Variants in PCDH11X observed in about 807,000 individuals in gnomAD.
PCDH11X encodes protocadherin 11 X-linked.
In PCDH11X, 18 loss-of-function variants were observed where a neutral mutation model predicts 53.3. The observed-to-expected ratio is 0.34, with a 90% CI of 0.23 to 0.50. PCDH11X has a LOEUF of 0.50. Among genes scored for constraint, PCDH11X ranks in the 20% least tolerant of loss-of-function variants. The pLI, the probability that PCDH11X is intolerant of heterozygous loss-of-function variation, is 0.98. For missense variants in PCDH11X, 570 were observed against 1,032.4 expected (o/e 0.55, Z 6.14); for synonymous variants, 279 against 393.3 (o/e 0.71, Z 3.44).
intron 8 of PCDH11X, among the ~76,000 whole-genome samples, chrX:92,302,925 A>G (rs5984170): frequency 0.18 from 19,887 of 109,744 alleles, 2,370 homozygotes; most frequent in East Asian, 0.48. Context: ...CTAGCAGAAA[A>G]GTAAAAATTT....
intron 6 of PCDH11X, among the ~76,000 whole-genome samples, chrX:91,977,913 C>G (rs777906318): frequency 9.0e-6 from 1 of 111,529 alleles, no homozygotes; most frequent in African/African-American, 3.3e-5. Context: ...CAGTTGTAAT[C>G]CAGGCTCCTA....
At chrX:92,227,049 C>A (rs919754685) in intron 7 of PCDH11X, among the ~76,000 whole-genome samples, 1 of 111,473 alleles carries the variant, frequency 9.0e-6, no homozygotes, top group Non-Finnish European at 1.9e-5. Flanking sequence ...ATAAAGTATA[C>A]ATTCTGAGCA....
chrX:92,213,636 G>C (rs1176623940), intron 7 of PCDH11X, among the ~76,000 whole-genome samples: 1 of 111,437 alleles, frequency 9.0e-6, no homozygotes, highest in Non-Finnish European at 1.9e-5. Context: ...CTTAGCAACA[G>C]AGCAGATGGG....
intron 6 of PCDH11X, among the ~76,000 whole-genome samples, chrX:92,096,780 A>G (rs1377553962): frequency 9.0e-6 from 1 of 111,072 alleles, no homozygotes; most frequent in African/African-American, 3.3e-5. Context: ...CCCATGATTC[A>G]AATATCTCCC....
chrX:92,388,778 A>G (rs1023231174), intron 9 of PCDH11X, among the ~76,000 whole-genome samples: 5 of 106,376 alleles, frequency 4.7e-5, no homozygotes, highest in Admixed American at 1.0e-4. Flanking sequence ...ATGAAAAAAA[A>G]TGGGCCAAAT....
chrX:92,401,765 T>C (rs1321900780), intron 9 of PCDH11X, among the ~76,000 whole-genome samples: 2 of 112,510 alleles, frequency 1.8e-5, no homozygotes, highest in Non-Finnish European at 3.8e-5. Context: ...ATGAAGATAG[T>C]GTTAGGCAAA....
At position 91,813,991 on chromosome X, in the gene PCDH11X, CAA is replaced by C. The variant is rs776401611; in HGVS notation, c.-45+2698_-45+2699del. 3.4e-4 allele frequency among the ~76,000 whole-genome samples: 36 copies of C among 104,576 alleles called. No homozygotes were observed. The East Asian group carries it at 0.011, about 32-fold the overall frequency. The allele number at this position is 104,576 out of a possible 115,157, so 90.8% of individuals were successfully genotyped here. A position where few individuals can be genotyped will look rare whatever the true frequency, so the allele number is the denominator to read the frequency against. ...TTAAAGTCATCAAATTTAGAGATGT[CAA>C]ATTTTTATTATTTTCAGGACAAAAT... On this transcript the variant is annotated intron_variant, in intron 4 of 10. Coordinates refer to ENST00000682573, the MANE Select transcript of PCDH11X (RefSeq NM_032968.5).
chrX:92,132,285 CAAAAAAAAAAAAAAAAAAAAAAA>C (rs778221916), intron 6 of PCDH11X, among the ~76,000 whole-genome samples: 289 of 8,840 alleles, frequency 0.033, 6 homozygotes, highest in African/African-American at 0.1. Flanking sequence ...ACCTCTGTCT[CAAAAAAAAAAAAAAAAAAAAAAA>C]AAAAAAAAAA....
intron 10 of PCDH11X, among the ~76,000 whole-genome samples, chrX:92,571,680 A>C (rs1475867456): frequency 9.2e-6 from 1 of 108,632 alleles, no homozygotes; most frequent in Non-Finnish European, 1.9e-5. Context: ...GTGGTGCTGT[A>C]TATGATCCAG....
At chrX:92,258,132 C>T (rs2067635463) in intron 7 of PCDH11X, among the ~76,000 whole-genome samples, 1 of 111,107 alleles carries the variant, frequency 9.0e-6, no homozygotes, top group African/African-American at 3.3e-5. Flanking sequence ...GAAGCAGCAT[C>T]CTGAGCCCCA....
intron 5 of PCDH11X, among the ~76,000 whole-genome samples, chrX:91,848,002 A>G (rs1208695274): frequency 1.8e-5 from 2 of 111,399 alleles, no homozygotes; most frequent in Non-Finnish European, 3.8e-5. Context: ...TAAACAAGTA[A>G]AGTTTTCAGA....
intron 6 of PCDH11X, among the ~76,000 whole-genome samples, chrX:92,176,279 G>T (rs2065909375): frequency 1.8e-5 from 2 of 111,675 alleles, no homozygotes; most frequent in South Asian, 7.5e-4. Flanking sequence ...TTTCACGAGG[G>T]CTTTAAAAGC....
At chrX:92,428,483 C>A (rs6619027) in intron 9 of PCDH11X, among the ~76,000 whole-genome samples, 44,538 of 109,473 alleles carry the variant, frequency 0.41, 6,804 homozygotes, top group East Asian at 0.79. Context: ...CTTTGATATT[C>A]CAGGCAAAAC....
chrX:91,929,366 G>C (rs991135279), intron 6 of PCDH11X, among the ~76,000 whole-genome samples: 2 of 110,410 alleles, frequency 1.8e-5, no homozygotes, highest in Non-Finnish European at 3.8e-5. Context: ...CTATGTGCCA[G>C]GTACTAGTCT....
chrX:92,142,370 G>GCACACACACACACACA (rs201418320), intron 6 of PCDH11X, among the ~76,000 whole-genome samples: 1 of 95,571 alleles, frequency 1.0e-5, no homozygotes, highest in Non-Finnish European at 2.1e-5. Context: ...GTGCGCGCGC[G>GCACACACACACACACA]CACACACACA....
chrX:92,419,235 C>A (rs1603306245), intron 9 of PCDH11X, among the ~76,000 whole-genome samples: 1 of 102,067 alleles, frequency 9.8e-6, no homozygotes, highest in African/African-American at 3.6e-5. Context: ...CTTTTTCCAT[C>A]TTTTAGCTTT....
rs142605302 is a variant in PCDH11X, at chrX:92,538,209, G to C, written c.3367+69887G>C. 1.9e-3 allele frequency among the ~76,000 whole-genome samples: 203 copies of C among 107,491 alleles called. 1 individual carries two copies. Among genetic ancestry groups the C allele is most frequent in the African/African-American group, 6.7e-3 (200 of 29,678 alleles). 93.3% of individuals were successfully genotyped at this position (107,491 alleles called of 115,157 possible). On this transcript the variant is annotated intron_variant, in intron 10 of 10. Transcript: ENST00000682573. Reference sequence around the variant, plus strand: ...TTCTTGCCATTTTCTGGTTGCCATTGGCATAAAACAGCTTTTAGCCATCCC... The same window carrying C: ...TTCTTGCCATTTTCTGGTTGCCATTCGCATAAAACAGCTTTTAGCCATCCC...
At chrX:92,142,201 G>C (rs2065191759) in intron 6 of PCDH11X, among the ~76,000 whole-genome samples, 1 of 105,922 alleles carries the variant, frequency 9.4e-6, no homozygotes, top group Non-Finnish European at 1.9e-5. Flanking sequence ...TTGTTGCCCA[G>C]GCTGGAGTGC....
In PCDH11X at chrX:92,474,981, C is replaced by T. The variant is rs867601054; in HGVS notation, c.3367+6659C>T. On this transcript the variant is annotated intron_variant, in intron 10 of 10. Transcript: ENST00000682573. ...GAGATCGAGACCATCCCGGCTAAGA[C>T]GGTGAAACCCCGTCTCTACTAAAAA... Among the ~76,000 whole-genome samples the T allele has an allele frequency of 9.1e-3, 937 of 103,455 alleles. 10 individuals carry two copies. The highest frequency in any genetic ancestry group is 0.029 in the African/African-American group (826 of 28,316). 89.8% of individuals were successfully genotyped at this position (103,455 alleles called of 115,157 possible). A position where few individuals can be genotyped will look rare whatever the true frequency, so the allele number is the denominator to read the frequency against.
Sources: gnomAD v4.1 joint callset for allele counts (sites outside exome capture counted in the v4.1 genomes callset) on GRCh38, gnomAD v4.1.1 for gene constraint, MANE v1.5 for transcripts, NCBI Gene and HGNC (gene_info 2026-07-23, HGNC 2026-07-21) for gene names.